ATG10: variants seen among roughly 807,000 people sequenced by gnomAD.
The protein encoded by ATG10 is autophagy related 10.
A neutral mutation model predicts 32.1 loss-of-function variants in ATG10; 30 were observed. The ratio of observed to expected loss-of-function variants is 0.94; its 90% CI spans 0.70 to 1.27. The LOEUF is 1.27. Ranked by LOEUF, ATG10 falls within the 50% of genes most tolerant of loss-of-function variation. The probability of loss-of-function intolerance (pLI) is 0.00; values close to 1 mark genes in which losing one functional copy is unlikely to be tolerated. For synonymous variants in ATG10, 87 were observed against 91.5 expected, an observed-to-expected ratio of 0.95 and a Z score of 0.28; for missense variants, 233 against 262.3, an observed-to-expected ratio of 0.89 and a Z score of 0.77.
chr5:82,152,086 A>G (rs1767623075), intron 3 of ATG10, among the ~76,000 whole-genome samples: 1 of 152,234 alleles, frequency 6.6e-6, no homozygotes, highest in South Asian at 2.1e-4. Flanking sequence ...GCTCTCATCA[A>G]AATACTACTG....
intron 5 of ATG10, among the ~76,000 whole-genome samples, chr5:82,248,419 G>T (rs1581848094): frequency 6.6e-6 from 1 of 152,286 alleles, no homozygotes; most frequent in East Asian, 1.9e-4. Context: ...AGATTGCTCT[G>T]GTAAAACTTC....
At chr5:82,225,193 C>T (rs1016499662) in intron 5 of ATG10, among the ~76,000 whole-genome samples, 3 of 152,122 alleles carry the variant, frequency 2.0e-5, no homozygotes, top group African/African-American at 7.2e-5. Flanking sequence ...GAGTCTCTCA[C>T]TGTGTCAGTG....
chr5:82,169,528 T>G (rs773555019), intron 4 of ATG10, among the ~76,000 whole-genome samples: 17 of 152,150 alleles, frequency 1.1e-4, no homozygotes, highest in Non-Finnish European at 1.8e-4. Context: ...GAGAAGTATT[T>G]TAAGACTGGG....
At chr5:82,207,605 C>T (rs1745347109) in intron 5 of ATG10, among the ~76,000 whole-genome samples, 1 of 152,096 alleles carries the variant, frequency 6.6e-6, no homozygotes, top group Admixed American at 6.5e-5. Flanking sequence ...TTTGTAGTGT[C>T]TTGATAACCA....
At chr5:82,097,331 A>T (rs1765104441) in intron 3 of ATG10, among the ~76,000 whole-genome samples, 1 of 152,202 alleles carries the variant, frequency 6.6e-6, no homozygotes, top group Admixed American at 6.5e-5. Flanking sequence ...AATTAAAATG[A>T]TCCAGTAGTA....
At chr5:82,092,542 C>T (rs1249708834) in intron 3 of ATG10, among the ~76,000 whole-genome samples, 2 of 152,168 alleles carry the variant, frequency 1.3e-5, no homozygotes, top group Non-Finnish European at 2.9e-5. Context: ...GCTGCTTTCA[C>T]CTGGTGAGTG....
chr5:82,065,205 G>A (rs1037062046), intron 3 of ATG10, among the ~76,000 whole-genome samples: 2 of 152,092 alleles, frequency 1.3e-5, no homozygotes, highest in Admixed American at 6.6e-5. Context: ...TAAATATAGG[G>A]CCGGGCGCAG....
intron 3 of ATG10, among the ~76,000 whole-genome samples, chr5:82,161,696 A>AACACACACACAC (rs60780834): frequency 0.11 from 14,698 of 129,492 alleles, 1,202 homozygotes; most frequent in East Asian, 0.33. Context: ...TTAGAGAATA[A>AACACACACACAC]ACACACACAC....
At chr5:82,158,174 A>G (rs1767884069) in intron 3 of ATG10, among the ~76,000 whole-genome samples, 1 of 152,190 alleles carries the variant, frequency 6.6e-6, no homozygotes, top group African/African-American at 2.4e-5. Context: ...TTGTTAATTG[A>G]ATTCAATAAA....
chr5:82,139,709 G>GC (rs1766977266), intron 3 of ATG10, among the ~76,000 whole-genome samples: 1 of 141,586 alleles, frequency 7.1e-6, no homozygotes, highest in African/African-American at 2.7e-5. Flanking sequence ...CGGGAGGGAG[G>GC]TGGGGGGGGG....
intron 2 of ATG10, among the ~76,000 whole-genome samples, chr5:82,037,794 A>C (rs1341790200): frequency 6.6e-6 from 1 of 152,056 alleles, no homozygotes; most frequent in Non-Finnish European, 1.5e-5. Flanking sequence ...TTTTTCTTTT[A>C]ATTCATTAAT....
At chr5:82,176,359 C>T (rs1348059182) in intron 4 of ATG10, among the ~76,000 whole-genome samples, 1 of 152,176 alleles carries the variant, frequency 6.6e-6, no homozygotes, top group Non-Finnish European at 1.5e-5. Context: ...TTGGCAGATA[C>T]ATATTTCGTA....
At chr5:82,015,791 A>G (rs1561255691) in intron 2 of ATG10, among the ~76,000 whole-genome samples, 1 of 152,180 alleles carries the variant, frequency 6.6e-6, no homozygotes, top group Non-Finnish European at 1.5e-5. Context: ...TTTAGCTCAG[A>G]GAAGTTTGAT....
intron 2 of ATG10, among the ~76,000 whole-genome samples, chr5:82,040,257 G>A (rs550291243): frequency 6.6e-6 from 1 of 152,230 alleles, no homozygotes; most frequent in African/African-American, 2.4e-5. Context: ...ATTTGCTACA[G>A]TTATTAATAA....
rs959378451 is a variant in ATG10 at position 82,100,779 on chromosome 5, T to C, written c.216+42177T>C. Among the ~76,000 whole-genome samples the C allele has an allele frequency of 3.3e-4, 48 of 145,466 alleles. No homozygotes were observed. The East Asian group carries it at 8.7e-3, about 26-fold the overall frequency. On this transcript the variant is annotated intron_variant, in intron 3 of 7. Transcript: ENST00000282185. ...AAAACAAAACAAGAACTAGTTTTTT[T>C]TTTTTTTTTTTTTTTGGCTGCCTGT...
At chr5:82,190,294 C>G (rs1284096053) in intron 5 of ATG10, among the ~76,000 whole-genome samples, 1 of 151,630 alleles carries the variant, frequency 6.6e-6, no homozygotes, top group African/African-American at 2.4e-5. Flanking sequence ...CACTGTTAAC[C>G]TTTCAGTGCA....
intron 5 of ATG10, among the ~76,000 whole-genome samples, chr5:82,221,881 C>A (rs1183755896): frequency 6.6e-6 from 1 of 152,108 alleles, no homozygotes; most frequent in African/African-American, 2.4e-5. Flanking sequence ...AGTCTGAAGC[C>A]CTGACTTTGC....
intron 5 of ATG10, among the ~76,000 whole-genome samples, chr5:82,190,103 T>C (rs758418681): frequency 6.6e-6 from 1 of 152,206 alleles, no homozygotes; most frequent in African/African-American, 2.4e-5. Flanking sequence ...AGATTCTGTA[T>C]GGATCTGAGC....
chr5:82,039,743 C>G (rs1478002890), intron 2 of ATG10, among the ~76,000 whole-genome samples: 1 of 152,190 alleles, frequency 6.6e-6, no homozygotes, highest in African/African-American at 2.4e-5. Flanking sequence ...CATGTTTCAG[C>G]TATGTCTTGC....
Sources: allele counts gnomAD v4.1 joint callset (sites outside exome capture counted in the v4.1 genomes callset), GRCh38; gene constraint gnomAD v4.1.1; transcripts MANE v1.5; gene names NCBI Gene and HGNC (gene_info 2026-07-23, HGNC 2026-07-21).